Variants in WDR4 observed in about 807,000 individuals in gnomAD.
WDR4 encodes the protein tRNA (guanine-N(7)-)-methyltransferase non-catalytic subunit WDR4.
In WDR4, 47 loss-of-function variants were observed where a neutral mutation model predicts 48.6. The observed-to-expected ratio is 0.97, with a 90% confidence interval of 0.77 to 1.23. WDR4 has a LOEUF of 1.23. Among genes scored for constraint, WDR4 ranks in the 50% most tolerant of loss-of-function variants. The probability of loss-of-function intolerance (pLI) is 0.00; values close to 1 mark genes in which losing one functional copy is unlikely to be tolerated. For synonymous variants in WDR4, 268 were observed against 230.0 expected (o/e 1.17, Z -1.49); for missense variants, 606 against 551.6 (o/e 1.10, Z -0.99).
At chr21:42,866,445 G>A (rs2058248825) in intron 3 of WDR4, among the ~76,000 whole-genome samples, 2 of 152,296 alleles carry the variant, frequency 1.3e-5, no homozygotes, top group Admixed American at 1.3e-4. Flanking sequence ...ATGCAGAGAG[G>A]CTAGGAGTAC....
Position 42,873,658 on chromosome 21 carries a change from C to T in WDR4, c.189G>A (p.Ala63=), listed in dbSNP as rs369175000. 42 of 1,614,112 alleles carry T rather than the reference C, an allele frequency of 2.6e-5. No homozygotes were observed. Among genetic ancestry groups the T allele is most frequent in the Middle Eastern group, 1.7e-4 (1 of 6,060 alleles). Residue 63 remains alanine (A), a synonymous_variant, in exon 3 of 11, where the codon GCG becomes GCA. Transcript: ENST00000398208. ...ACTTGGAGAAGGTGGACGCCAGAAT[C>T]GCACCGCTCCCCTGGTCCAAGGGCG... The part of the protein sequence containing the change: ...EDAPLDQGSG[A]ILASTFSKSG...
At chr21:42,856,013 C>T (rs549547590) in intron 6 of WDR4, among the ~76,000 whole-genome samples, 3 of 152,300 alleles carry the variant, frequency 2.0e-5, no homozygotes, top group African/African-American at 7.2e-5. Context: ...GCCAATATGC[C>T]CAGGCAGATG....
chr21:42,851,637 TAC>T (rs1162663702), intron 10 of WDR4, among the ~76,000 whole-genome samples: 2 of 152,218 alleles, frequency 1.3e-5, no homozygotes, highest in Admixed American at 6.5e-5. Context: ...CACCCAGAAC[TAC>T]AGTGTGTCGT....
chr21:42,859,584 A>AGCGATCCACAGGGGCCC, intron 6 of WDR4, 78 bp downstream of exon 6: 31 of 1,364,494 alleles, frequency 2.3e-5, no homozygotes, highest in Non-Finnish European at 2.7e-5. Flanking sequence ...CACAGGGGCC[A>AGCGATCCACAGGGGCCC]GGTCCAGGAG....
chr21:42,876,773 G>A lies in WDR4; in HGVS notation c.90-6C>T, dbSNP rs1389304722. On this transcript the variant is annotated splice_polypyrimidine_tract_variant and splice_region_variant and intron_variant, in intron 1 of 10. Transcript: ENST00000398208. ...TGAAGAGGCTGTCATCATCACTAAA[G>A]AGAAATAACAATAATTTTAAAAGGA... 6 of 1,604,224 alleles carry A rather than the reference G, an allele frequency of 3.7e-6. No homozygotes were observed. Among genetic ancestry groups the A allele is most frequent in the Non-Finnish European group, 5.1e-6 (6 of 1,177,138 alleles).
the WDR4 span, among the ~76,000 whole-genome samples, chr21:42,888,028 A>G: frequency 3.3e-5 from 5 of 152,204 alleles, no homozygotes; most frequent in African/African-American, 1.2e-4. Flanking sequence ...GTATCTACAT[A>G]TATTTTATGC....
chr21:42,887,400 A>T, the WDR4 span, among the ~76,000 whole-genome samples: 1 of 151,924 alleles, frequency 6.6e-6, no homozygotes, highest in African/African-American at 2.4e-5. Context: ...CAGCCTCCTA[A>T]AGTGCAGAAA....
Position 42,879,531 on chromosome 21 carries a change from G to A in WDR4, c.-36C>T, listed in dbSNP as rs992825312. 1.1e-5 allele frequency: 17 copies of A among 1,609,528 alleles called. No homozygotes were observed. The highest frequency in any genetic ancestry group is 1.3e-5 in the African/African-American group (1 of 74,950). ...GCCTCACCGCCATACACATGTGCCA[G>A]CCCAGAGCCTCTTCCTGTCCGCACC... On this transcript the variant is annotated 5_prime_UTR_variant, in exon 1 of 11. Coordinates refer to ENST00000398208, the MANE Select transcript of WDR4 (RefSeq NM_018669.6).
At chr21:42,867,393 C>CAAAAAAAAAA (rs1209418380) in intron 3 of WDR4, among the ~76,000 whole-genome samples, 1 of 133,520 alleles carries the variant, frequency 7.5e-6, no homozygotes, top group African/African-American at 2.7e-5. Flanking sequence ...TCCGCTCCAC[C>CAAAAAAAAAA]AAAAAAAAAA....
downstream of WDR4, among the ~76,000 whole-genome samples, chr21:42,847,361 T>C (rs2057719786): frequency 6.6e-6 from 1 of 152,140 alleles, no homozygotes; most frequent in Non-Finnish European, 1.5e-5. Flanking sequence ...CTGGGATGAC[T>C]TCGGGCAGGT....
rs2058584104 is a variant in WDR4 at position 42,879,509 on chromosome 21, T to C, written c.-14A>G. ...AGAGCCCGCCATGTACCCGCCCGCC[T>C]CACCGCCATACACATGTGCCAGCCC... On this transcript the variant is annotated 5_prime_UTR_variant, in exon 1 of 11. Coordinates refer to ENST00000398208, the MANE Select transcript of WDR4 (RefSeq NM_018669.6). 6.2e-7 allele frequency: 1 copy of C among 1,612,388 alleles called. No individual in the cohort carries two copies. The highest frequency in any genetic ancestry group is 1.1e-5 in the South Asian group (1 of 91,004).
chr21:42,849,811 G>A lies in WDR4; in HGVS notation c.*238C>T. ...CCGACATGAAAAGAAAGTGCTTCAA[G>A]AGCTTCCACTCCACTGGTCTGGCTT... On this transcript the variant is annotated 3_prime_UTR_variant, in exon 11 of 11. Transcript: ENST00000398208. The A allele has an allele frequency of 2.1e-6, 1 of 483,224 alleles. No individual in the cohort carries two copies. The highest frequency in any genetic ancestry group is 2.0e-5 in the African/African-American group (1 of 49,414). The allele number at this position is 483,224 out of a possible 1,614,324, so 29.9% of individuals were successfully genotyped here.
intron 1 of WDR4, chr21:42,878,845 G>C: frequency 3.4e-6 from 2 of 581,256 alleles, no homozygotes; most frequent in Non-Finnish European, 4.3e-6. Context: ...GGTTGGGTAA[G>C]TGTCGGAGAT....
At chr21:42,891,918 C>G in the WDR4 span, among the ~76,000 whole-genome samples, 1 of 150,682 alleles carries the variant, frequency 6.6e-6, no homozygotes, top group Admixed American at 6.7e-5. Flanking sequence ...GATTGTGCCA[C>G]TGTACTCCAG....
downstream of WDR4, among the ~76,000 whole-genome samples, chr21:42,849,004 C>A (rs1232233918): frequency 6.8e-6 from 1 of 147,194 alleles, no homozygotes; most frequent in Non-Finnish European, 1.5e-5. Flanking sequence ...ACCTCACACA[C>A]AGCGCACGAT....
chr21:42,864,087 G>A (rs1262518319), intron 3 of WDR4, among the ~76,000 whole-genome samples: 3 of 67,210 alleles, frequency 4.5e-5, no homozygotes, highest in Admixed American at 2.9e-4. Context: ...AGCCTGGGGC[G>A]ACAGAGCGAG....
intron 3 of WDR4, among the ~76,000 whole-genome samples, chr21:42,864,683 GCAAGAACCAA>G (rs2058209132): frequency 6.6e-6 from 1 of 152,216 alleles, no homozygotes; most frequent in South Asian, 2.1e-4. Context: ...CACTGCTTCA[GCAAGAACCAA>G]AGTCACAGTT....
chr21:42,890,760 C>T, the WDR4 span, among the ~76,000 whole-genome samples: 6 of 152,284 alleles, frequency 3.9e-5, no homozygotes, highest in Admixed American at 2.6e-4. Flanking sequence ...CCTCTGCTGT[C>T]GGAAAAATCT....
intron 10 of WDR4, among the ~76,000 whole-genome samples, chr21:42,852,003 GGCAGGT>G (rs1400187865): frequency 6.6e-6 from 1 of 152,248 alleles, no homozygotes; most frequent in African/African-American, 2.4e-5. Flanking sequence ...CAACTCTGAA[GGCAGGT>G]GCTCAGACCC....
Sources: allele counts gnomAD v4.1 joint callset (sites outside exome capture counted in the v4.1 genomes callset), GRCh38; gene constraint gnomAD v4.1.1; transcripts MANE v1.5; gene names NCBI Gene and HGNC (gene_info 2026-07-23, HGNC 2026-07-21).